Variants in HS3ST4 observed in about 807,000 individuals in gnomAD.
The protein encoded by HS3ST4 is heparan sulfate-glucosamine 3-sulfotransferase 4.
A neutral mutation model predicts 29.2 loss-of-function variants in HS3ST4; 17 were observed. That is an observed-to-expected ratio of 0.58 (90% CI 0.40 to 0.87). The LOEUF (loss-of-function observed/expected upper bound fraction) is 0.87. Among genes scored for constraint, HS3ST4 ranks in the 40% least tolerant of loss-of-function variants. HS3ST4 has a pLI of 0.00. For synonymous variants in HS3ST4, 314 were observed against 285.7 expected (o/e 1.10, Z -1.00); for missense variants, 627 against 634.5 (o/e 0.99, Z 0.13).
chr16:26,109,914 T>C (rs1203332053), intron 1 of HS3ST4, among the ~76,000 whole-genome samples: 1 of 152,212 alleles, frequency 6.6e-6, no homozygotes, highest in African/African-American at 2.4e-5. Context: ...TGAGAATATT[T>C]AAGATCTACT....
At chr16:25,843,820 C>T (rs1967439069) in intron 1 of HS3ST4, among the ~76,000 whole-genome samples, 1 of 152,208 alleles carries the variant, frequency 6.6e-6, no homozygotes, top group Admixed American at 6.5e-5. Flanking sequence ...AAGTCTTAGA[C>T]TGCATTATCA....
intron 1 of HS3ST4, among the ~76,000 whole-genome samples, chr16:25,791,343 T>G (rs951101271): frequency 1.3e-5 from 2 of 152,154 alleles, no homozygotes; most frequent in African/African-American, 4.8e-5. Context: ...GTTTGCTCAT[T>G]TTCTTCATGG....
intron 1 of HS3ST4, among the ~76,000 whole-genome samples, chr16:26,097,756 T>C (rs995789046): frequency 3.3e-5 from 5 of 152,204 alleles, no homozygotes; most frequent in African/African-American, 1.2e-4. Flanking sequence ...ACTAAAGAGC[T>C]TCTGCATGGC....
At chr16:25,743,053 C>T (rs1966664976) in intron 1 of HS3ST4, among the ~76,000 whole-genome samples, 1 of 152,184 alleles carries the variant, frequency 6.6e-6, no homozygotes, top group African/African-American at 2.4e-5. Flanking sequence ...AGAAGTAAGT[C>T]CACGATACCC....
At chr16:25,955,364 C>A (rs542347806) in intron 1 of HS3ST4, among the ~76,000 whole-genome samples, 1 of 152,256 alleles carries the variant, frequency 6.6e-6, no homozygotes, top group South Asian at 2.1e-4. Flanking sequence ...TGCTTTATAG[C>A]CTTCAGAATG....
chr16:26,086,548 GC>G (rs1898790823), intron 1 of HS3ST4, among the ~76,000 whole-genome samples: 1 of 151,624 alleles, frequency 6.6e-6, no homozygotes. Flanking sequence ...GCGGGGTTTC[GC>G]CGTATTAGCC....
At chr16:25,734,518 A>G (rs1451582595) in intron 1 of HS3ST4, among the ~76,000 whole-genome samples, 3 of 152,160 alleles carry the variant, frequency 2.0e-5, no homozygotes, top group Non-Finnish European at 4.4e-5. Flanking sequence ...CATTCATCCA[A>G]TAAATATTTA....
At chr16:26,001,231 A>G (rs1056992363) in intron 1 of HS3ST4, among the ~76,000 whole-genome samples, 1 of 152,194 alleles carries the variant, frequency 6.6e-6, no homozygotes. Context: ...TGGTTATATA[A>G]AAGCATCTCA....
At chr16:25,760,837 A>G (rs1052125547) in intron 1 of HS3ST4, among the ~76,000 whole-genome samples, 6 of 152,226 alleles carry the variant, frequency 3.9e-5, no homozygotes, top group African/African-American at 9.6e-5. Flanking sequence ...GTGGGGAGAT[A>G]TAATTCAGCC....
intron 1 of HS3ST4, among the ~76,000 whole-genome samples, chr16:25,764,752 G>A (rs529608214): frequency 3.3e-5 from 5 of 152,336 alleles, no homozygotes; most frequent in Admixed American, 1.3e-4. Context: ...AGTGGTGAAT[G>A]CTAGATTTAG....
intron 1 of HS3ST4, among the ~76,000 whole-genome samples, chr16:26,061,914 T>C (rs1898480506): frequency 6.6e-6 from 1 of 152,212 alleles, no homozygotes; most frequent in African/African-American, 2.4e-5. Flanking sequence ...TGTTTTTATT[T>C]TCTCCTTCTG....
intron 1 of HS3ST4, among the ~76,000 whole-genome samples, chr16:25,936,722 A>C (rs1033564359): frequency 2.0e-5 from 3 of 152,254 alleles, no homozygotes; most frequent in Non-Finnish European, 2.9e-5. Context: ...CCTGGCCCTT[A>C]ATACACCTTG....
chr16:25,975,165 C>A (rs898847384), intron 1 of HS3ST4, among the ~76,000 whole-genome samples: 1 of 152,012 alleles, frequency 6.6e-6, no homozygotes, highest in African/African-American at 2.4e-5. Flanking sequence ...CTGGAGGCCA[C>A]GATCCCATGC....
chr16:25,863,077 G>A (rs2141655696), intron 1 of HS3ST4, among the ~76,000 whole-genome samples: 1 of 152,152 alleles, frequency 6.6e-6, no homozygotes. Context: ...GTATGATCCA[G>A]TAGTTAACTC....
At chr16:25,974,014 C>T (rs1968920240) in intron 1 of HS3ST4, among the ~76,000 whole-genome samples, 1 of 152,188 alleles carries the variant, frequency 6.6e-6, no homozygotes, top group Non-Finnish European at 1.5e-5. Context: ...AAGACACATG[C>T]TCGTAAGCAG....
intron 1 of HS3ST4, among the ~76,000 whole-genome samples, chr16:25,878,842 C>T (rs1405508963): frequency 6.6e-6 from 1 of 152,054 alleles, no homozygotes; most frequent in Non-Finnish European, 1.5e-5. Context: ...ATAAAAATAC[C>T]AGATATCGGG....
chr16:25,914,971 C>T (rs1234563771), intron 1 of HS3ST4, among the ~76,000 whole-genome samples: 1 of 152,028 alleles, frequency 6.6e-6, no homozygotes, highest in Non-Finnish European at 1.5e-5. Context: ...TTAGCACCAT[C>T]GACATTTCAC....
At chr16:25,858,422 C>A (rs543248981) in intron 1 of HS3ST4, among the ~76,000 whole-genome samples, 2 of 152,200 alleles carry the variant, frequency 1.3e-5, no homozygotes, top group South Asian at 4.1e-4. Context: ...GCTCACTTTT[C>A]AAAGGTGTAA....
At chr16:25,836,355 CT>C (rs1158490217) in intron 1 of HS3ST4, among the ~76,000 whole-genome samples, 3 of 152,076 alleles carry the variant, frequency 2.0e-5, no homozygotes, top group African/African-American at 7.3e-5. Context: ...GCAGGCAGTC[CT>C]GTTAACCAAG....
Sources: gnomAD v4.1 joint callset for allele counts (sites outside exome capture counted in the v4.1 genomes callset) on GRCh38, gnomAD v4.1.1 for gene constraint, MANE v1.5 for transcripts, NCBI Gene and HGNC (gene_info 2026-07-23, HGNC 2026-07-21) for gene names.